Variants in SESTD1 observed in about 807,000 individuals in gnomAD.
The protein encoded by SESTD1 is SEC14 and spectrin domain containing 1, also known as SEC14 domain and spectrin repeat-containing protein 1.
A neutral mutation model predicts 101.7 loss-of-function variants in SESTD1; 43 were observed. That is an observed-to-expected ratio of 0.42 (90% CI 0.33 to 0.55). The LOEUF is 0.55. SESTD1 is among the 20% of genes least tolerant of loss of function. The pLI, the probability that SESTD1 is intolerant of heterozygous loss-of-function variation, is 0.07. For missense variants in SESTD1, 647 were observed against 815.1 expected (o/e 0.79, Z 2.51); for synonymous variants, 283 against 286.8 (o/e 0.99, Z 0.13).
intron 9 of SESTD1, among the ~76,000 whole-genome samples, chr2:179,133,650 G>A (rs149752617): frequency 3.3e-5 from 5 of 152,246 alleles, no homozygotes; most frequent in African/African-American, 1.2e-4. Context: ...AGAAGTGAAT[G>A]GGGATATCTC....
chr2:179,182,331 C>T (rs2046128484), intron 3 of SESTD1, among the ~76,000 whole-genome samples: 1 of 152,032 alleles, frequency 6.6e-6, no homozygotes, highest in Admixed American at 6.6e-5. Flanking sequence ...AATCTGGTTG[C>T]ACATTAGAAA....
chr2:179,199,971 G>A (rs925709460), intron 1 of SESTD1, among the ~76,000 whole-genome samples: 1 of 152,068 alleles, frequency 6.6e-6, no homozygotes, highest in Non-Finnish European at 1.5e-5. Context: ...ATTAGGAAAA[G>A]GGGAAGTCAA....
intron 1 of SESTD1, among the ~76,000 whole-genome samples, chr2:179,262,900 T>C (rs1245920799): frequency 3.9e-5 from 6 of 152,198 alleles, no homozygotes; most frequent in African/African-American, 1.4e-4. Flanking sequence ...CTTTCTACAT[T>C]CTGCATTCTG....
chr2:179,246,558 T>C (rs1263651327), intron 1 of SESTD1, among the ~76,000 whole-genome samples: 1 of 152,102 alleles, frequency 6.6e-6, no homozygotes, highest in Non-Finnish European at 1.5e-5. Flanking sequence ...TCAACAAGGA[T>C]ACAGAAGAAC....
intron 1 of SESTD1, among the ~76,000 whole-genome samples, chr2:179,225,192 G>A (rs1177841803): frequency 1.3e-5 from 2 of 152,016 alleles, no homozygotes; most frequent in African/African-American, 2.4e-5. Flanking sequence ...TGCTGGTGGG[G>A]GAAAATTTCC....
chr2:179,115,336 C>T lies in SESTD1; in HGVS notation c.1648-80G>A, dbSNP rs1239746470. ...TGGGGAAAGTGTGCAGGAAGATTGT[C>T]GTTACAGTTAAGTGACACTACTAGA... On this transcript the variant is annotated intron_variant, in intron 15 of 17. Transcript: ENST00000428443. 5.8e-5 allele frequency: 65 copies of T among 1,124,096 alleles called. 1 individual carries two copies. The highest frequency in any genetic ancestry group is 6.9e-5 in the Non-Finnish European group (56 of 810,304). 69.6% of individuals were successfully genotyped at this position (1,124,096 alleles called of 1,614,324 possible).
intron 1 of SESTD1, among the ~76,000 whole-genome samples, chr2:179,263,384 G>A (rs2047509732): frequency 6.6e-6 from 1 of 152,098 alleles, no homozygotes; most frequent in Non-Finnish European, 1.5e-5. Context: ...TCCTTGGGAG[G>A]AAAAATTCTC....
At chr2:179,168,726 T>G (rs1056818135) in intron 5 of SESTD1, among the ~76,000 whole-genome samples, 2 of 152,196 alleles carry the variant, frequency 1.3e-5, no homozygotes, top group Non-Finnish European at 2.9e-5. Flanking sequence ...AGAAATGGCA[T>G]AAATGAAAGT....
intron 1 of SESTD1, among the ~76,000 whole-genome samples, chr2:179,221,028 A>C (rs1008235512): frequency 6.6e-6 from 1 of 152,176 alleles, no homozygotes; most frequent in Non-Finnish European, 1.5e-5. Context: ...GTTCACTACC[A>C]CAAATACATA....
intron 1 of SESTD1, among the ~76,000 whole-genome samples, chr2:179,207,137 G>A (rs1334974970): frequency 7.5e-6 from 1 of 133,458 alleles, no homozygotes; most frequent in East Asian, 2.0e-4. Flanking sequence ...AAAAGATAAA[G>A]CTCTTGGGAG....
At chr2:179,174,879 C>A (rs574608537) in intron 4 of SESTD1, among the ~76,000 whole-genome samples, 1 of 150,748 alleles carries the variant, frequency 6.6e-6, no homozygotes, top group East Asian at 2.0e-4. Context: ...AGCCCAGGAG[C>A]TGGAGGCTTC....
chr2:179,255,639 CAGCAAGTGCTGATGT>C (rs1559164572), intron 1 of SESTD1, among the ~76,000 whole-genome samples: 1 of 152,168 alleles, frequency 6.6e-6, no homozygotes, highest in African/African-American at 2.4e-5. Flanking sequence ...CAAGATGAAG[CAGCAAGTGCTGATGT>C]AGAAGCTGCA....
intron 1 of SESTD1, among the ~76,000 whole-genome samples, chr2:179,218,231 AG>A (rs1415118465): frequency 4.6e-5 from 7 of 152,290 alleles, no homozygotes; most frequent in African/African-American, 1.7e-4. Flanking sequence ...CTCTCAAACA[AG>A]GAATGAAGCC....
chr2:179,123,103 T>C (rs563748358), intron 12 of SESTD1, among the ~76,000 whole-genome samples: 10 of 152,206 alleles, frequency 6.6e-5, no homozygotes, highest in South Asian at 2.1e-4. Context: ...CACCTTCCCA[T>C]TGTCACATCC....
At chr2:179,152,120 T>C (rs973562106) in intron 5 of SESTD1, among the ~76,000 whole-genome samples, 23 of 152,210 alleles carry the variant, frequency 1.5e-4, no homozygotes, top group African/African-American at 5.3e-4. Flanking sequence ...TAATACTAAA[T>C]GACATATGGA....
chr2:179,125,535 A>G (rs570496744), intron 10 of SESTD1, among the ~76,000 whole-genome samples: 6 of 152,250 alleles, frequency 3.9e-5, no homozygotes, highest in African/African-American at 1.4e-4. Context: ...CTTTTCCCTC[A>G]CATCAGAAGG....
chr2:179,211,926 G>A (rs2046656211), intron 1 of SESTD1, among the ~76,000 whole-genome samples: 1 of 133,848 alleles, frequency 7.5e-6, no homozygotes, highest in Non-Finnish European at 1.6e-5. Context: ...TCAAGTGATG[G>A]ATGTACCAAA....
chr2:179,128,266 T>C (rs959895698), intron 10 of SESTD1, among the ~76,000 whole-genome samples: 12 of 152,168 alleles, frequency 7.9e-5, no homozygotes, highest in African/African-American at 2.9e-4. Flanking sequence ...GTAAATACAT[T>C]GTGAGGACTA....
rs558754337 is a variant in SESTD1, at chr2:179,166,095, G to T, written c.369+6025C>A. 4.1e-4 allele frequency among the ~76,000 whole-genome samples: 62 copies of T among 152,286 alleles called. 1 individual carries two copies. Among genetic ancestry groups the T allele is most frequent in the South Asian group, 1.5e-3 (7 of 4,826 alleles). ...TGATGCCAGCCAGGTAGGAATTTAG[G>T]TTAAAATTTTTAATGAATCACTAAG... On this transcript the variant is annotated intron_variant, in intron 5 of 17. Coordinates refer to ENST00000428443, the MANE Select transcript of SESTD1 (RefSeq NM_178123.5).
Sources: gnomAD v4.1 joint callset for allele counts (sites outside exome capture counted in the v4.1 genomes callset) on GRCh38, gnomAD v4.1.1 for gene constraint, MANE v1.5 for transcripts, NCBI Gene and HGNC (gene_info 2026-07-23, HGNC 2026-07-21) for gene names.